SBNO2: variants seen among roughly 807,000 people sequenced by gnomAD.
SBNO2 encodes strawberry notch homolog 2.
A neutral mutation model predicts 146.3 loss-of-function variants in SBNO2; 89 were observed. That is an observed-to-expected ratio of 0.61 (90% CI 0.51 to 0.73). SBNO2 has a LOEUF of 0.73. SBNO2 is among the 30% of genes least tolerant of loss of function. The pLI, the probability that SBNO2 is intolerant of heterozygous loss-of-function variation, is 0.00. For missense variants in SBNO2, 2,092 were observed against 2,003.7 expected (o/e 1.04, Z -0.84); for synonymous variants, 1,147 against 892.6 (o/e 1.29, Z -5.08).
rs781264194 is a variant in SBNO2 at position 1,154,186 on chromosome 19, G to A, written c.91C>T (p.Gln31Ter). The A allele has an allele frequency of 1.6e-6, 2 of 1,236,874 alleles. No homozygotes were observed. The highest frequency in any genetic ancestry group is 2.0e-6 in the Non-Finnish European group (2 of 988,346). The allele number at this position is 1,236,874 out of a possible 1,614,324, so 76.6% of individuals were successfully genotyped here. The change falls in exon 2 of 32, where the codon CAG becomes TAG. Residue 31 changes from glutamine (Q) to a stop codon, truncating the protein, a stop_gained and splice_region_variant. Coordinates refer to ENST00000361757, the MANE Select transcript of SBNO2 (RefSeq NM_014963.3). LOFTEE classifies it high-confidence loss of function. ...GSLLYSPPPL[Q>*]SAMLHCPYWN... is the part of the protein sequence containing the mutation. ...CCGGGGCCGGGGGTGGGGCTCACCT[G>A]CAGGGGCGGCGGGCTGTACAGGAGG...
At chr19:1,154,081 G>A (rs929303518) in intron 2 of SBNO2, 103 bp downstream of exon 2, 5 of 508,716 alleles carry the variant, frequency 9.8e-6, no homozygotes, top group Non-Finnish European at 1.2e-5. Flanking sequence ...ATCACGCCGC[G>A]TCCACTGGGG....
In SBNO2 at chr19:1,154,384, G is replaced by A. The variant is rs3752226; in HGVS notation, c.-108C>T. On this transcript the variant is annotated 5_prime_UTR_variant, in exon 2 of 32. Coordinates refer to ENST00000361757, the MANE Select transcript of SBNO2 (RefSeq NM_014963.3). ...GGCTTCTCGCTCCGTGGTGGCGGCGGTGGCGGCAGCATCATGATCTGCAGA... is the reference window on the plus strand; with the variant it reads ...GGCTTCTCGCTCCGTGGTGGCGGCGATGGCGGCAGCATCATGATCTGCAGA... The A allele has an allele frequency of 2.0e-6, 1 of 496,610 alleles. No homozygotes were observed. Among genetic ancestry groups the A allele is most frequent in the Non-Finnish European group, 3.2e-6 (1 of 317,070 alleles). 30.8% of individuals were successfully genotyped at this position (496,610 alleles called of 1,614,324 possible).
chr19:1,122,622 C>A, intron 9 of SBNO2, 36 bp downstream of exon 9: 1 of 1,511,440 alleles, frequency 6.6e-7, no homozygotes, highest in Non-Finnish European at 8.9e-7. Flanking sequence ...CGCCCCCCAC[C>A]CCCGCTCCCG....
At chr19:1,154,078 C>T (rs1469512694) in intron 2 of SBNO2, 106 bp downstream of exon 2, 6 of 495,902 alleles carry the variant, frequency 1.2e-5, no homozygotes, top group Admixed American at 8.9e-5. Flanking sequence ...GAGATCACGC[C>T]GCGTCCACTG....
Position 1,112,395 on chromosome 19 carries a change from G to T in SBNO2, c.2515+7C>A. 9 of 1,598,554 alleles carry T rather than the reference G, an allele frequency of 5.6e-6. No homozygotes were observed. The highest frequency in any genetic ancestry group is 7.7e-6 in the Non-Finnish European group (9 of 1,175,886). On this transcript the variant is annotated splice_region_variant and intron_variant, in intron 21 of 31. Transcript: ENST00000361757. The surrounding 1 kb of genome is among the most constrained non-coding windows in gnomAD (Gnocchi z 5.9). ...CCAGGCAGCGCTGGGGGCGGGGCCG[G>T]ACTCACCGAACTGCTGGATGGCGCG...
At chr19:1,135,083 G>A (rs146824262) in intron 4 of SBNO2, among the ~76,000 whole-genome samples, 4 of 141,884 alleles carry the variant, frequency 2.8e-5, no homozygotes, top group Admixed American at 7.1e-5. Context: ...GGATTTGGCC[G>A]AGCGTAGTGG....
Position 1,154,416 on chromosome 19 carries a change from C to T in SBNO2, c.-126-14G>A, listed in dbSNP as rs1173634125. 4.8e-6 allele frequency: 2 copies of T among 413,284 alleles called. No individual in the cohort carries two copies. Among genetic ancestry groups the T allele is most frequent in the Non-Finnish European group, 8.3e-6 (2 of 241,966 alleles). The allele number at this position is 413,284 out of a possible 1,614,324, so 25.6% of individuals were successfully genotyped here. On this transcript the variant is annotated splice_polypyrimidine_tract_variant and intron_variant, in intron 1 of 31. Coordinates refer to ENST00000361757, the MANE Select transcript of SBNO2 (RefSeq NM_014963.3). ...CAGCATCATGATCTGCAGAGGGAGA[C>T]GGGGACGTCCTGAGAGTCCAACGGT...
In SBNO2 at chr19:1,116,331, G is replaced by A. The variant is rs571480165; in HGVS notation, c.1803-228C>T. 3.0e-4 allele frequency among the ~76,000 whole-genome samples: 46 copies of A among 151,750 alleles called. 1 individual carries two copies. The highest frequency in any genetic ancestry group is 1.6e-3 in the Admixed American group (25 of 15,262). On this transcript the variant is annotated intron_variant, in intron 16 of 31. Coordinates refer to ENST00000361757, the MANE Select transcript of SBNO2 (RefSeq NM_014963.3). Reference sequence around the variant, plus strand: ...CCACCTCGGCCACCAGGCTTCCCCCGCTCTGAGGAATGTGGCCGGATATGA... The same window carrying A: ...CCACCTCGGCCACCAGGCTTCCCCCACTCTGAGGAATGTGGCCGGATATGA...
Position 1,145,485 on chromosome 19 carries a change from A to G in SBNO2, c.279+1824T>C, listed in dbSNP as rs538580307. ...CAAAACTCTGTCTCAAAAAAAAAAA[A>G]AAAGAAAGAAAGAAAGGAAAGAGAG... On this transcript the variant is annotated intron_variant, in intron 4 of 31. Coordinates refer to ENST00000361757, the MANE Select transcript of SBNO2 (RefSeq NM_014963.3). Among the ~76,000 whole-genome samples, 178 of 151,538 alleles carry G rather than the reference A, an allele frequency of 1.2e-3. 4 individuals are homozygous for G. In the South Asian group the frequency reaches 0.034, roughly 29 times the overall value.
rs769160417 is a variant in SBNO2 at position 1,111,028 on chromosome 19, C to T, written c.2875G>A (p.Val959Met). Residue 959 changes from valine (V) to methionine (M), a missense_variant, in exon 25 of 32, where the codon GTG (valine) becomes ATG (methionine). Coordinates refer to ENST00000361757, the MANE Select transcript of SBNO2 (RefSeq NM_014963.3). ...GGTGTGGGGCACTCACCCTTCTCCACGTCCAGGCAGCCATTCCGGGACTCC... is the reference window on the plus strand; with the variant it reads ...GGTGTGGGGCACTCACCCTTCTCCATGTCCAGGCAGCCATTCCGGGACTCC... ...GRESRNGCLD[V>M]EKDCSITKFL... 13 of 1,582,520 alleles carry T rather than the reference C, an allele frequency of 8.2e-6. No homozygotes were observed. The Admixed American group carries it at 1.1e-4, about 13-fold the overall frequency.
rs924425617 is a variant in SBNO2 at position 1,173,799 on chromosome 19, C to G, written c.-127+373G>C. On this transcript the variant is annotated intron_variant, in intron 1 of 31. Transcript: ENST00000361757. This position sits in a 1 kb window ranked among gnomAD's most constrained non-coding sequence, Gnocchi z 4.7. ...TGCGGGGTCAAGGGTTACCAGAAAA[C>G]GAAAGGTCGGGGGTCACCAAGCTGC... is the stretch of plus-strand genomic sequence containing the variant. 4 of 151,964 alleles carry G rather than the reference C, an allele frequency of 2.6e-5. No individual in the cohort carries two copies. Among genetic ancestry groups the G allele is most frequent in the African/African-American group, 7.3e-5 (3 of 41,244 alleles). 9.4% of individuals were successfully genotyped at this position (151,964 alleles called of 1,614,324 possible). A position where few individuals can be genotyped will look rare whatever the true frequency, so the allele number is the denominator to read the frequency against.
chr19:1,156,608 G>A (rs912474513), intron 1 of SBNO2, among the ~76,000 whole-genome samples: 2 of 152,122 alleles, frequency 1.3e-5, no homozygotes, highest in South Asian at 2.1e-4. Flanking sequence ...CAGTGTCCAC[G>A]GATAGGCGAG....
chr19:1,149,875 G>A (rs1189359461), intron 2 of SBNO2, among the ~76,000 whole-genome samples: 1 of 152,236 alleles, frequency 6.6e-6, no homozygotes, highest in Admixed American at 6.5e-5. Flanking sequence ...GGTGGAGGGT[G>A]GGTGTCGGGG....
At chr19:1,124,640 TGA>T (rs1417719454) in intron 5 of SBNO2, among the ~76,000 whole-genome samples, 2 of 152,132 alleles carry the variant, frequency 1.3e-5, no homozygotes, top group African/African-American at 4.8e-5. Flanking sequence ...ACCTCCTCTG[TGA>T]GAGATGGGGC....
In SBNO2 at chr19:1,108,896, G is replaced by T; in HGVS notation, c.3499C>A (p.Leu1167Met). ...QGLRLRHHYM[L>M]CGALLRVWGR... ...CACACGCGCAGCAGCGCGCCGCACA[G>T]CATGTAGTGGTGCCGCAGCCGCAGC... Residue 1167 changes from leucine to methionine, a missense_variant, in exon 31 of 32, where the codon CTG becomes ATG. Transcript: ENST00000361757. 6.3e-7 allele frequency: 1 copy of T among 1,585,438 alleles called. No individual in the cohort carries two copies.
Position 1,114,542 on chromosome 19 carries a change from C to T in SBNO2, c.1886-120G>A, listed in dbSNP as rs1198710995. 2.2e-5 allele frequency: 18 copies of T among 805,398 alleles called. No homozygotes were observed. In the East Asian group the frequency reaches 4.9e-4, roughly 22 times the overall value. 49.9% of individuals were successfully genotyped at this position (805,398 alleles called of 1,614,324 possible). A position where few individuals can be genotyped will look rare whatever the true frequency, so the allele number is the denominator to read the frequency against. On this transcript the variant is annotated intron_variant, in intron 17 of 31. Coordinates refer to ENST00000361757, the MANE Select transcript of SBNO2 (RefSeq NM_014963.3). ...CGAGCTGGGGAGGTCCATCCGAGAA[C>T]CCCCTGCCTCTGGGCAAGCAGCTCA...
chr19:1,108,625 C>G lies in SBNO2; in HGVS notation c.3696G>C (p.Gln1232His), dbSNP rs1402480702. 1 of 1,455,938 alleles carries G rather than the reference C, an allele frequency of 6.9e-7. No individual in the cohort carries two copies. The highest frequency in any genetic ancestry group is 9.0e-7 in the Non-Finnish European group (1 of 1,113,130). 90.2% of individuals were successfully genotyped at this position (1,455,938 alleles called of 1,614,324 possible). A position where few individuals can be genotyped will look rare whatever the true frequency, so the allele number is the denominator to read the frequency against. Residue 1232 changes from glutamine to histidine, a missense_variant, in exon 32 of 32, where the codon CAG becomes CAC. By Grantham distance (24) the Gln-to-His change is conservative (BLOSUM62 0). Coordinates refer to ENST00000361757, the MANE Select transcript of SBNO2 (RefSeq NM_014963.3). ...GGGCGGGGCAGCCCAGGGCGGGCGC[C>G]TGCCTGCGCTTCACGTCCGCATCCA... ...RLMDADVKRR[Q>H]APALGCPAPP... is the part of the protein sequence containing the mutation.
chr19:1,166,796 C>A (rs570679772), intron 1 of SBNO2, among the ~76,000 whole-genome samples: 51 of 152,324 alleles, frequency 3.3e-4, no homozygotes, highest in African/African-American at 9.9e-4. Context: ...AATGGAGGTG[C>A]CCTTGTGTGT....
chr19:1,134,608 G>C (rs748323526), intron 4 of SBNO2, among the ~76,000 whole-genome samples: 9 of 152,248 alleles, frequency 5.9e-5, no homozygotes, highest in Non-Finnish European at 8.8e-5. Context: ...AATCCACACA[G>C]ACAGGAAAAG....
Sources: allele counts gnomAD v4.1 joint callset (sites outside exome capture counted in the v4.1 genomes callset), GRCh38; gene constraint gnomAD v4.1.1; non-coding constraint Gnocchi (gnomAD v3.1); transcripts MANE v1.5; gene names NCBI Gene and HGNC (gene_info 2026-07-23, HGNC 2026-07-21).